SHANK2: variants seen among roughly 807,000 people sequenced by gnomAD.
SHANK2 encodes the protein SH3 and multiple ankyrin repeat domains 2.
SHANK2 carries 43 observed loss-of-function variants against 133.7 expected under a neutral mutation model. That is an observed-to-expected ratio of 0.32 (90% confidence interval 0.25 to 0.41). The LOEUF is 0.41. SHANK2 is among the 10% of genes least tolerant of loss of function. SHANK2 has a pLI of 1.00. For synonymous variants in SHANK2, 1,017 were observed against 952.8 expected (o/e 1.07, Z -1.24); for missense variants, 1,994 against 2,235.8 (o/e 0.89, Z 2.18).
At chr11:71,160,467 C>T (rs1952991648) in intron 2 of SHANK2, among the ~76,000 whole-genome samples, 1 of 152,144 alleles carries the variant, frequency 6.6e-6, no homozygotes, top group Admixed American at 6.6e-5. Context: ...ATCAGAGAGC[C>T]AGCATGCGTG....
rs541005187 is a variant in SHANK2, at chr11:70,728,931, G to A, written c.1778-30168C>T. On this transcript the variant is annotated intron_variant, in intron 14 of 25. Transcript: ENST00000601538. ...CCTGAGAAGGAATGAAGGGCCGGGC[G>A]TGGTGGCTCATGCCTGTAATCCTAG... is the stretch of plus-strand genomic sequence containing the variant. Among the ~76,000 whole-genome samples, 44 of 152,244 alleles carry A rather than the reference G, an allele frequency of 2.9e-4. 1 individual carries two copies. The highest frequency in any genetic ancestry group is 9.6e-4 in the African/African-American group (40 of 41,552).
chr11:70,727,757 G>A (rs1565273444), intron 14 of SHANK2, among the ~76,000 whole-genome samples: 1 of 152,208 alleles, frequency 6.6e-6, no homozygotes, highest in Non-Finnish European at 1.5e-5. Flanking sequence ...CCCGGGTTGG[G>A]GGCCCCAGCC....
intron 22 of SHANK2, among the ~76,000 whole-genome samples, chr11:70,491,196 A>G (rs557550477): frequency 5.9e-5 from 9 of 152,384 alleles, no homozygotes; most frequent in African/African-American, 1.2e-4. Flanking sequence ...CGGACGCTCA[A>G]TGGAAATATT....
intron 4 of SHANK2, among the ~76,000 whole-genome samples, chr11:71,114,455 T>G (rs1555099955): frequency 6.6e-6 from 1 of 152,184 alleles, no homozygotes; most frequent in African/African-American, 2.4e-5. Flanking sequence ...CTAGTCTCCT[T>G]TCTCCACCAC....
intron 10 of SHANK2, among the ~76,000 whole-genome samples, chr11:70,929,504 C>T (rs183659018): frequency 6.6e-6 from 1 of 152,288 alleles, no homozygotes; most frequent in East Asian, 1.9e-4. Flanking sequence ...ATTTCCTCCC[C>T]TCTGCCAGGT....
At chr11:71,177,037 T>C (rs150456140) in intron 2 of SHANK2, among the ~76,000 whole-genome samples, 2 of 152,190 alleles carry the variant, frequency 1.3e-5, no homozygotes, top group Non-Finnish European at 2.9e-5. Flanking sequence ...ATGGAAATGA[T>C]TCAAGTGAGC....
rs529585021 is a variant in SHANK2, at chr11:70,472,563, T to A, written c.*306A>T. On this transcript the variant is annotated 3_prime_UTR_variant, in exon 26 of 26. Transcript: ENST00000601538. This position sits in a 1 kb window ranked among gnomAD's most constrained non-coding sequence, Gnocchi z 4.4. ...CCGTGCAAAATTGACGGGGAGCCTCTCGGACCCGGCAAAGCGAGGCCACCT... is the reference window on the plus strand; with the variant it reads ...CCGTGCAAAATTGACGGGGAGCCTCACGGACCCGGCAAAGCGAGGCCACCT... 7.8e-4 allele frequency: 338 copies of A among 435,650 alleles called. 2 individuals are homozygous for A. The highest frequency in any genetic ancestry group is 1.6e-3 in the Admixed American group (44 of 28,294). The allele number at this position is 435,650 out of a possible 1,614,324, so 27.0% of individuals were successfully genotyped here.
intron 3 of SHANK2, among the ~76,000 whole-genome samples, chr11:71,127,866 G>A (rs1372141940): frequency 7.2e-5 from 11 of 152,190 alleles, no homozygotes; most frequent in Non-Finnish European, 1.5e-4. Context: ...TTGATGTTCA[G>A]GTCATTTCTG....
At chr11:70,796,741 C>A (rs1190623390) in intron 14 of SHANK2, among the ~76,000 whole-genome samples, 6 of 152,000 alleles carry the variant, frequency 3.9e-5, no homozygotes, top group Admixed American at 6.5e-5. Flanking sequence ...TGGTTCAACT[C>A]TGCTTATCTT....
intron 17 of SHANK2, among the ~76,000 whole-genome samples, chr11:70,623,996 C>T (rs145428460): frequency 1.8e-4 from 27 of 152,278 alleles, no homozygotes; most frequent in Non-Finnish European, 3.5e-4. Context: ...AAGGGTGCGC[C>T]CAGAGCTGCC....
chr11:70,576,966 C>T (rs767420532), intron 17 of SHANK2, among the ~76,000 whole-genome samples: 4 of 152,178 alleles, frequency 2.6e-5, no homozygotes, highest in African/African-American at 9.6e-5. Context: ...GAGTATCACG[C>T]AGTTAGCGGA....
At chr11:70,887,209 T>C (rs138405374) in intron 11 of SHANK2, among the ~76,000 whole-genome samples, 3 of 152,324 alleles carry the variant, frequency 2.0e-5, no homozygotes, top group Admixed American at 2.0e-4. Flanking sequence ...CCAGGCTCTA[T>C]GGCAAAGCTT....
intron 14 of SHANK2, among the ~76,000 whole-genome samples, chr11:70,771,859 C>T (rs955347660): frequency 2.0e-5 from 3 of 152,188 alleles, no homozygotes; most frequent in Non-Finnish European, 2.9e-5. Context: ...CAGAATCTGC[C>T]CCTGGTCTGT....
chr11:70,847,107 C>T (rs1330255975), intron 11 of SHANK2, among the ~76,000 whole-genome samples: 1 of 152,200 alleles, frequency 6.6e-6, no homozygotes, highest in Admixed American at 6.5e-5. Context: ...TCTGCCCCGG[C>T]CCATCATCAA....
At chr11:70,661,859 G>A (rs1363770690) in intron 15 of SHANK2, 181 bp from the exon 16 acceptor site, 1 of 1,561,114 alleles carries the variant, frequency 6.4e-7, no homozygotes, top group Admixed American at 1.7e-5. Context: ...GAGGGGGGTG[G>A]CTACCGGGAT....
chr11:70,901,140 G>A (rs782588775), intron 10 of SHANK2, among the ~76,000 whole-genome samples: 20 of 152,140 alleles, frequency 1.3e-4, no homozygotes, highest in African/African-American at 4.8e-4. Flanking sequence ...AGAGCGATAA[G>A]GAACGGGCTC....
intron 17 of SHANK2, among the ~76,000 whole-genome samples, chr11:70,506,109 G>A (rs1045002187): frequency 3.9e-5 from 6 of 152,230 alleles, no homozygotes; most frequent in African/African-American, 1.4e-4. Context: ...CTCGGGGAAT[G>A]AGCCACTCAT....
chr11:71,112,466 C>G (rs1326244512), intron 5 of SHANK2, among the ~76,000 whole-genome samples: 1 of 152,188 alleles, frequency 6.6e-6, no homozygotes, highest in African/African-American at 2.4e-5. Flanking sequence ...CCGAGAGGAT[C>G]CTGCTGGCTG....
intron 10 of SHANK2, chr11:70,911,300 G>A: frequency 7.0e-6 from 3 of 426,386 alleles, no homozygotes; most frequent in South Asian, 5.2e-5. Flanking sequence ...AGGTTGCAGT[G>A]AGCCAAGATC....
Sources: gnomAD v4.1 joint callset for allele counts (sites outside exome capture counted in the v4.1 genomes callset) on GRCh38, gnomAD v4.1.1 for gene constraint, Gnocchi (gnomAD v3.1) non-coding constraint, MANE v1.5 for transcripts, NCBI Gene and HGNC (gene_info 2026-07-23, HGNC 2026-07-21) for gene names.